GALNT14: variants seen among roughly 807,000 people sequenced by gnomAD.
GALNT14 encodes the protein polypeptide N-acetylgalactosaminyltransferase 14.
In GALNT14, 60 loss-of-function variants were observed where a neutral mutation model predicts 77.5. The ratio of observed to expected loss-of-function variants is 0.77; its 90% CI spans 0.63 to 0.96. GALNT14 has a LOEUF of 0.96. Ranked by LOEUF, GALNT14 falls within the 40% of genes least tolerant of loss-of-function variation. The pLI, the probability that GALNT14 is intolerant of heterozygous loss-of-function variation, is 0.00. For missense variants in GALNT14, 710 were observed against 731.0 expected, an observed-to-expected ratio of 0.97 and a Z score of 0.33; for synonymous variants, 280 against 281.7, an observed-to-expected ratio of 0.99 and a Z score of 0.06.
chr2:30,994,935 A>G (rs1669930695), intron 1 of GALNT14, among the ~76,000 whole-genome samples: 2 of 152,152 alleles, frequency 1.3e-5, no homozygotes, highest in African/African-American at 4.8e-5. Flanking sequence ...CACGATGACA[A>G]GGCTATGAGA....
At chr2:30,942,345 G>T in intron 8 of GALNT14, 41 bp from the exon 9 acceptor site, 1 of 1,468,620 alleles carries the variant, frequency 6.8e-7, no homozygotes, top group African/African-American at 1.4e-5. Flanking sequence ...CAGTTCTAGT[G>T]GGGAGATCAC....
intron 2 of GALNT14, among the ~76,000 whole-genome samples, chr2:30,966,716 C>T (rs1343871272): frequency 2.0e-5 from 3 of 152,150 alleles, no homozygotes; most frequent in African/African-American, 7.2e-5. Flanking sequence ...AGATTCCAGT[C>T]GGCAGAGGCT....
chr2:30,887,857 T>TAAA, the GALNT14 span, among the ~76,000 whole-genome samples: 1 of 152,198 alleles, frequency 6.6e-6, no homozygotes, highest in Non-Finnish European at 1.5e-5. Flanking sequence ...CTTAGGTCAT[T>TAAA]GATACCTTTT....
intron 2 of GALNT14, among the ~76,000 whole-genome samples, chr2:30,983,778 AACACACACAC>A (rs60061697): frequency 8.3e-6 from 1 of 120,554 alleles, no homozygotes; most frequent in African/African-American, 2.9e-5. Flanking sequence ...TCACAAGTCA[AACACACACAC>A]ACACACACAC....
rs374781490 is a variant in GALNT14 at position 30,919,680 on chromosome 2, C to T, written c.1380+4439G>A. Among the ~76,000 whole-genome samples the T allele has an allele frequency of 1.6e-4, 25 of 152,350 alleles. No individual in the cohort carries two copies. In the East Asian group the frequency reaches 1.9e-3, roughly 12 times the overall value. On this transcript the variant is annotated intron_variant, in intron 13 of 14. Transcript: ENST00000349752. The stretch of plus-strand genomic sequence containing the variant: ...GCGGCTTTGCTTCTTCGCCTTTGAG[C>T]GTGTCCTCTGAGGGTAGACTATATC...
At chr2:31,059,453 T>C (rs958938952) in intron 1 of GALNT14, among the ~76,000 whole-genome samples, 1 of 152,168 alleles carries the variant, frequency 6.6e-6, no homozygotes, top group African/African-American at 2.4e-5. Flanking sequence ...AATTCATATA[T>C]AGAAATCCTA....
Position 30,921,817 on chromosome 2 carries a change from T to C in GALNT14, c.1380+2302A>G, listed in dbSNP as rs1029114535. On this transcript the variant is annotated intron_variant, in intron 13 of 14. Coordinates refer to ENST00000349752, the MANE Select transcript of GALNT14 (RefSeq NM_024572.4). The stretch of plus-strand genomic sequence containing the variant: ...GTGAGACACTTTTGATGGCCGTGAC[T>C]TGTGTTGAGTTGTGTGGTGGGGAGG... Among the ~76,000 whole-genome samples the C allele has an allele frequency of 2.0e-5, 3 of 152,172 alleles. No individual in the cohort carries two copies. The South Asian group carries it at 6.2e-4, about 32-fold the overall frequency.
chr2:30,969,384 C>T (rs982042200), intron 2 of GALNT14, among the ~76,000 whole-genome samples: 2 of 152,148 alleles, frequency 1.3e-5, no homozygotes, highest in Non-Finnish European at 1.5e-5. Flanking sequence ...ACCACACACC[C>T]CAGCTTTTGT....
intron 4 of GALNT14, 33 bp downstream of exon 4, chr2:30,958,364 G>A (rs370817620): frequency 2.3e-5 from 36 of 1,581,760 alleles, no homozygotes; most frequent in South Asian, 6.7e-5. Flanking sequence ...ACAGACATTC[G>A]TGTCTAAAGA....
chr2:31,112,206 C>A (rs535201349), intron 1 of GALNT14, among the ~76,000 whole-genome samples: 1 of 152,322 alleles, frequency 6.6e-6, no homozygotes, highest in East Asian at 1.9e-4. Context: ...GCTCCAGGCA[C>A]AGGAGAGCAA....
intron 2 of GALNT14, among the ~76,000 whole-genome samples, chr2:30,972,873 G>T (rs559343232): frequency 6.6e-5 from 10 of 152,328 alleles, no homozygotes; most frequent in Admixed American, 3.3e-4. Context: ...GCTGCCACGG[G>T]TACATCCTAA....
the GALNT14 span, among the ~76,000 whole-genome samples, chr2:30,900,632 G>C: frequency 2.6e-5 from 4 of 152,168 alleles, no homozygotes; most frequent in Non-Finnish European, 5.9e-5. Flanking sequence ...GTCTGAGCTG[G>C]CACAGGGAGC....
intron 1 of GALNT14, among the ~76,000 whole-genome samples, chr2:31,073,331 G>T (rs1272908065): frequency 6.6e-6 from 1 of 152,124 alleles, no homozygotes; most frequent in Non-Finnish European, 1.5e-5. Flanking sequence ...GTTGCATGTT[G>T]ACTATATGCA....
intron 2 of GALNT14, among the ~76,000 whole-genome samples, chr2:30,968,227 A>C (rs1229497953): frequency 6.6e-6 from 1 of 152,236 alleles, no homozygotes; most frequent in Non-Finnish European, 1.5e-5. Context: ...AAAGGGAGAA[A>C]GTAAGTCAGG....
intron 3 of GALNT14, among the ~76,000 whole-genome samples, chr2:30,961,826 C>T (rs886662840): frequency 2.6e-5 from 4 of 152,118 alleles, no homozygotes; most frequent in African/African-American, 9.6e-5. Context: ...GGATTACAGG[C>T]GCCTGCCACC....
chr2:31,108,430 G>A (rs576777930), intron 1 of GALNT14, among the ~76,000 whole-genome samples: 1 of 152,362 alleles, frequency 6.6e-6, no homozygotes, highest in South Asian at 2.1e-4. Context: ...ACACAGGCGG[G>A]CTCTAGAAGA....
At chr2:30,979,303 A>G (rs941985394) in intron 2 of GALNT14, among the ~76,000 whole-genome samples, 2 of 152,208 alleles carry the variant, frequency 1.3e-5, no homozygotes, top group African/African-American at 2.4e-5. Context: ...GGGGGAGAGC[A>G]GGATGATGCC....
chr2:30,899,583 T>C, the GALNT14 span, among the ~76,000 whole-genome samples: 4 of 151,648 alleles, frequency 2.6e-5, no homozygotes, highest in Non-Finnish European at 5.9e-5. Context: ...TTTTTTTTTT[T>C]CCTCCTTCTT....
intron 1 of GALNT14, among the ~76,000 whole-genome samples, chr2:31,130,788 GCGCACC>G (rs777375384): frequency 2.8e-5 from 4 of 141,008 alleles, no homozygotes; most frequent in East Asian, 2.0e-4. Context: ...GTGTGTGCGC[GCGCACC>G]TGTGTGTGTG....
Sources: allele counts gnomAD v4.1 joint callset (sites outside exome capture counted in the v4.1 genomes callset), GRCh38; gene constraint gnomAD v4.1.1; transcripts MANE v1.5; gene names NCBI Gene and HGNC (gene_info 2026-07-23, HGNC 2026-07-21).